LRRC4C: variants seen among roughly 807,000 people sequenced by gnomAD.
LRRC4C encodes leucine-rich repeat-containing protein 4C.
A neutral mutation model predicts 33.6 loss-of-function variants in LRRC4C; 5 were observed. That is an observed-to-expected ratio of 0.15 (90% CI 0.08 to 0.31). The LOEUF is 0.31. Ranked by LOEUF, LRRC4C falls within the 10% of genes least tolerant of loss-of-function variation. The pLI is 1.00. For synonymous variants in LRRC4C, 329 were observed against 302.0 expected, an observed-to-expected ratio of 1.09 and a Z score of -0.93; for missense variants, 560 against 796.7, an observed-to-expected ratio of 0.70 and a Z score of 3.58.
chr11:40,855,012 C>T (rs148733933), intron 2 of LRRC4C, among the ~76,000 whole-genome samples: 37 of 152,220 alleles, frequency 2.4e-4, no homozygotes, highest in African/African-American at 8.4e-4. Flanking sequence ...AGGTTGTAAT[C>T]ACAATTTGGG....
intron 1 of LRRC4C, among the ~76,000 whole-genome samples, chr11:41,395,225 G>T (rs1393206022): frequency 6.6e-6 from 1 of 151,998 alleles, no homozygotes; most frequent in Non-Finnish European, 1.5e-5. Flanking sequence ...TTGAGCACAT[G>T]TGAACACCTC....
At chr11:41,434,729 G>T (rs1323796783) in intron 1 of LRRC4C, among the ~76,000 whole-genome samples, 1 of 152,146 alleles carries the variant, frequency 6.6e-6, no homozygotes, top group Admixed American at 6.5e-5. Context: ...AAGACTTCCT[G>T]CTTGGGAAGT....
chr11:40,867,953 C>T (rs188263779), intron 2 of LRRC4C, among the ~76,000 whole-genome samples: 4 of 152,146 alleles, frequency 2.6e-5, no homozygotes, highest in African/African-American at 9.7e-5. Context: ...TTGCATGTTT[C>T]AGTGAATGAA....
intron 2 of LRRC4C, among the ~76,000 whole-genome samples, chr11:40,706,607 C>A (rs1946180670): frequency 6.6e-6 from 1 of 152,186 alleles, no homozygotes; most frequent in Non-Finnish European, 1.5e-5. Context: ...GTTTTGGTTA[C>A]TGTAGGCTTG....
intron 3 of LRRC4C, among the ~76,000 whole-genome samples, chr11:40,381,658 C>G (rs1043063524): frequency 6.6e-6 from 1 of 152,028 alleles, no homozygotes; most frequent in East Asian, 1.9e-4. Context: ...AACCTGAGAA[C>G]GTGACTCTCT....
chr11:40,865,538 C>T (rs1337804498), intron 2 of LRRC4C, among the ~76,000 whole-genome samples: 1 of 144,706 alleles, frequency 6.9e-6, no homozygotes, highest in Non-Finnish European at 1.5e-5. Flanking sequence ...TATATAATTT[C>T]AAAACATCAT....
intron 1 of LRRC4C, among the ~76,000 whole-genome samples, chr11:40,970,736 G>T (rs968360043): frequency 6.6e-6 from 1 of 152,166 alleles, no homozygotes; most frequent in Non-Finnish European, 1.5e-5. Flanking sequence ...TGACCAAAAT[G>T]CTGATAGTGA....
chr11:40,500,127 T>C (rs59739862), intron 3 of LRRC4C, among the ~76,000 whole-genome samples: 5,813 of 152,046 alleles, frequency 0.038, 249 homozygotes, highest in African/African-American at 0.11. Flanking sequence ...AGAAAACTGA[T>C]GTGTGACTTA....
chr11:41,395,892 G>A (rs1953790354), intron 1 of LRRC4C, among the ~76,000 whole-genome samples: 1 of 151,972 alleles, frequency 6.6e-6, no homozygotes, highest in East Asian at 1.9e-4. Flanking sequence ...GGAACTAAAA[G>A]TAGTTTATTT....
intron 1 of LRRC4C, among the ~76,000 whole-genome samples, chr11:41,395,887 T>A (rs940139247): frequency 2.6e-4 from 39 of 152,206 alleles, no homozygotes; most frequent in African/African-American, 8.9e-4. Context: ...CTCAGGGAAC[T>A]AAAAGTAGTT....
intron 1 of LRRC4C, among the ~76,000 whole-genome samples, chr11:41,064,552 T>A (rs971772976): frequency 5.3e-5 from 8 of 152,238 alleles, no homozygotes; most frequent in African/African-American, 1.9e-4. Context: ...TTATTCTTCA[T>A]GCTTTCTCTT....
intron 4 of LRRC4C, among the ~76,000 whole-genome samples, chr11:40,251,783 A>C (rs1488466077): frequency 6.6e-6 from 1 of 152,184 alleles, no homozygotes. Flanking sequence ...TTCAGTTCTT[A>C]GGATGCATTG....
chr11:40,839,359 G>A (rs753633298), intron 2 of LRRC4C, among the ~76,000 whole-genome samples: 26 of 152,020 alleles, frequency 1.7e-4, no homozygotes, highest in South Asian at 4.2e-4. Context: ...CAATTCTCCC[G>A]CCTCAGCCTC....
At chr11:41,365,242 C>A (rs940789457) in intron 1 of LRRC4C, among the ~76,000 whole-genome samples, 1 of 151,894 alleles carries the variant, frequency 6.6e-6, no homozygotes, top group African/African-American at 2.4e-5. Flanking sequence ...TGCAAGGGAT[C>A]TAGGTTGTGT....
intron 2 of LRRC4C, among the ~76,000 whole-genome samples, chr11:40,890,235 G>T (rs1159138805): frequency 1.3e-5 from 2 of 152,132 alleles, no homozygotes; most frequent in Non-Finnish European, 2.9e-5. Flanking sequence ...TAAAATAAAA[G>T]AAATATATTT....
chr11:41,399,401 A>G (rs886479553), intron 1 of LRRC4C, among the ~76,000 whole-genome samples: 3 of 151,932 alleles, frequency 2.0e-5, no homozygotes, highest in Admixed American at 6.6e-5. Flanking sequence ...AGAACAACAT[A>G]TTGTATGTGG....
intron 1 of LRRC4C, among the ~76,000 whole-genome samples, chr11:41,398,642 C>T (rs1308727707): frequency 6.6e-6 from 1 of 151,820 alleles, no homozygotes; most frequent in Non-Finnish European, 1.5e-5. Flanking sequence ...TTCAATTCTT[C>T]CTTGTTGCTA....
intron 1 of LRRC4C, among the ~76,000 whole-genome samples, chr11:41,168,854 C>T (rs1314433620): frequency 6.6e-6 from 1 of 152,202 alleles, no homozygotes; most frequent in East Asian, 1.9e-4. Flanking sequence ...GAAGTTCAAT[C>T]ACTTCTAACA....
At chr11:40,425,323 A>G (rs1365327859) in intron 3 of LRRC4C, among the ~76,000 whole-genome samples, 1 of 152,178 alleles carries the variant, frequency 6.6e-6, no homozygotes, top group Non-Finnish European at 1.5e-5. Flanking sequence ...CAGCCTCTAC[A>G]TGAGGTTAGC....
Sources: gnomAD v4.1 joint callset for allele counts (sites outside exome capture counted in the v4.1 genomes callset) on GRCh38, gnomAD v4.1.1 for gene constraint, MANE v1.5 for transcripts, NCBI Gene and HGNC (gene_info 2026-07-23, HGNC 2026-07-21) for gene names.